Variants in PRSS38 observed in about 807,000 individuals in gnomAD.
PRSS38 encodes serine protease 38.
PRSS38 carries 22 observed loss-of-function variants against 26.8 expected under a neutral mutation model. That is an observed-to-expected ratio of 0.82 (90% CI 0.59 to 1.17). The LOEUF (loss-of-function observed/expected upper bound fraction) is 1.17, where lower values mean the gene tolerates loss of function less well. Among genes scored for constraint, PRSS38 ranks in the 50% most tolerant of loss-of-function variants. The probability of loss-of-function intolerance (pLI) is 0.00; values close to 1 mark genes in which losing one functional copy is unlikely to be tolerated. For synonymous variants in PRSS38, 175 were observed against 172.1 expected (o/e 1.02, Z -0.13); for missense variants, 427 against 422.7 (o/e 1.01, Z -0.09).
chr1:227,846,375 A>T, exon 5 of PRSS38: 1 of 864,582 alleles, frequency 1.2e-6, no homozygotes, highest in Non-Finnish European at 1.7e-6. Flanking sequence ...TGTACAAAAG[A>T]AAAAAGGGAA....
chr1:227,843,425 G>A (rs975457770), intron 3 of PRSS38, among the ~76,000 whole-genome samples: 4 of 152,150 alleles, frequency 2.6e-5, no homozygotes, highest in South Asian at 2.1e-4. Flanking sequence ...AAAACCAGCC[G>A]GGCGTGGTGG....
chr1:227,821,982 G>T (rs984530419), intron 3 of PRSS38, among the ~76,000 whole-genome samples: 2 of 151,920 alleles, frequency 1.3e-5, no homozygotes, highest in African/African-American at 4.8e-5. Flanking sequence ...TCATTTGATG[G>T]TGTCCCAGGA....
At chr1:227,839,337 G>A (rs570661159) in intron 3 of PRSS38, among the ~76,000 whole-genome samples, 1 of 152,166 alleles carries the variant, frequency 6.6e-6, no homozygotes, top group African/African-American at 2.4e-5. Context: ...AGACATGGAG[G>A]TGCATACCTG....
rs186573582 is a variant in PRSS38, at chr1:227,824,639, C to T, written c.583+7159C>T. On this transcript the variant is annotated intron_variant, in intron 3 of 4. Coordinates refer to ENST00000366757, the Ensembl canonical transcript of PRSS38. ...TTCTGCCTCTGGGTTTTTGAGGACTCGCCACACTGTCTTCTGCAATGGTTG... is the reference window on the plus strand; with the variant it reads ...TTCTGCCTCTGGGTTTTTGAGGACTTGCCACACTGTCTTCTGCAATGGTTG... Among the ~76,000 whole-genome samples the T allele has an allele frequency of 4.6e-5, 7 of 152,204 alleles. No individual in the cohort carries two copies. In the East Asian group the frequency reaches 5.8e-4, roughly 13 times the overall value.
intron 3 of PRSS38, among the ~76,000 whole-genome samples, chr1:227,844,878 GGGGCTCCTCCCTATGTACGGTCA>G (rs1454572291): frequency 4.8e-5 from 7 of 146,806 alleles, no homozygotes; most frequent in East Asian, 2.1e-4. Context: ...TATGTGGGGT[GGGGCTCCTCCCTATGTACGGTCA>G]GGGCTCCTCC....
At chr1:227,839,611 T>A (rs192410010) in intron 3 of PRSS38, among the ~76,000 whole-genome samples, 24 of 152,338 alleles carry the variant, frequency 1.6e-4, no homozygotes, top group African/African-American at 5.8e-4. Flanking sequence ...GAGGGCTTGG[T>A]GGTCTTTTGA....
At chr1:227,827,327 G>A (rs1207322956) in intron 3 of PRSS38, among the ~76,000 whole-genome samples, 1 of 151,992 alleles carries the variant, frequency 6.6e-6, no homozygotes, top group Non-Finnish European at 1.5e-5. Flanking sequence ...TTTTTTGGTC[G>A]GTAGGCTATT....
At chr1:227,822,389 T>C (rs1665015622) in intron 3 of PRSS38, among the ~76,000 whole-genome samples, 1 of 152,122 alleles carries the variant, frequency 6.6e-6, no homozygotes, top group African/African-American at 2.4e-5. Context: ...CTGATTTTTG[T>C]TGTTATTATT....
At chr1:227,842,861 G>T (rs1272396634) in intron 3 of PRSS38, among the ~76,000 whole-genome samples, 2 of 152,072 alleles carry the variant, frequency 1.3e-5, no homozygotes, top group African/African-American at 4.8e-5. Context: ...ACAGGTGTGA[G>T]CCACCATGCC....
At chr1:227,827,929 T>C (rs1004157416) in intron 3 of PRSS38, among the ~76,000 whole-genome samples, 7 of 152,244 alleles carry the variant, frequency 4.6e-5, no homozygotes, top group African/African-American at 1.7e-4. Flanking sequence ...TCTTGATTTC[T>C]GCCTTAATTT....
At chr1:227,835,004 A>G (rs192556125) in intron 3 of PRSS38, among the ~76,000 whole-genome samples, 5 of 152,322 alleles carry the variant, frequency 3.3e-5, no homozygotes, top group Admixed American at 3.3e-4. Flanking sequence ...CAAGCAACCC[A>G]ATTTAAAAAT....
At chr1:227,844,260 C>T (rs1255461288) in intron 3 of PRSS38, among the ~76,000 whole-genome samples, 1 of 151,804 alleles carries the variant, frequency 6.6e-6, no homozygotes, top group Admixed American at 6.6e-5. Context: ...GGGCTCCTCC[C>T]CATCTGTGGT....
chr1:227,817,553 C>T (rs1311918508), intron 3 of PRSS38, 73 bp downstream of exon 3: 31 of 1,514,838 alleles, frequency 2.0e-5, no homozygotes, highest in African/African-American at 2.7e-5. Context: ...AAATGCTCTG[C>T]CAGCTAAGGG....
chr1:227,826,641 G>A (rs372316784), intron 3 of PRSS38, among the ~76,000 whole-genome samples: 41 of 152,206 alleles, frequency 2.7e-4, no homozygotes, highest in African/African-American at 8.9e-4. Flanking sequence ...ACTTGAACCC[G>A]GGAGGCAGAG....
chr1:227,843,034 T>C (rs1665361701), intron 3 of PRSS38, among the ~76,000 whole-genome samples: 2 of 152,274 alleles, frequency 1.3e-5, no homozygotes, highest in South Asian at 4.2e-4. Flanking sequence ...GACTTCACCG[T>C]CTCTAATGAG....
intron 3 of PRSS38, among the ~76,000 whole-genome samples, chr1:227,830,607 T>C (rs1202240617): frequency 2.0e-5 from 3 of 151,408 alleles, no homozygotes; most frequent in Non-Finnish European, 4.4e-5. Context: ...TTCAAGCGAT[T>C]CTCCTGCCTG....
chr1:227,817,077 T>C (rs1277339343), intron 2 of PRSS38, 132 bp from the exon 3 acceptor site: 5 of 961,212 alleles, frequency 5.2e-6, no homozygotes, highest in Admixed American at 2.2e-5. Context: ...AGGTCCCTAC[T>C]ATGCTGCAGG....
In PRSS38 at chr1:227,844,334, C is replaced by G. The variant is rs115663352; in HGVS notation, c.584-1136C>G. 2.5e-3 allele frequency among the ~76,000 whole-genome samples: 375 copies of G among 152,176 alleles called. 2 individuals are homozygous for G. Among genetic ancestry groups the G allele is most frequent in the Non-Finnish European group, 4.1e-3 (276 of 68,002 alleles). ...CTGATCAAGGCTTCCTCCCCTACCCCCCATGAGTGGTGAGGTTTCCTCCCT... is the reference window on the plus strand; with the variant it reads ...CTGATCAAGGCTTCCTCCCCTACCCGCCATGAGTGGTGAGGTTTCCTCCCT... On this transcript the variant is annotated intron_variant, in intron 3 of 4. Transcript: ENST00000366757.
At chr1:227,845,840 C>A in intron 4 of PRSS38, 114 bp from the exon 5 acceptor site, 1 of 1,437,832 alleles carries the variant, frequency 7.0e-7, no homozygotes. Flanking sequence ...GAGGGGGGCA[C>A]TGGCCCCTTC....
Sources: allele counts gnomAD v4.1 joint callset (sites outside exome capture counted in the v4.1 genomes callset), GRCh38; gene constraint gnomAD v4.1.1; transcripts MANE v1.5; gene names NCBI Gene and HGNC (gene_info 2026-07-23, HGNC 2026-07-21).